IDE: variants seen among roughly 807,000 people sequenced by gnomAD.
The protein encoded by IDE is insulin degrading enzyme.
A neutral mutation model predicts 133.2 loss-of-function variants in IDE; 58 were observed. The ratio of observed to expected loss-of-function variants is 0.44; its 90% confidence interval spans 0.35 to 0.54. The LOEUF (loss-of-function observed/expected upper bound fraction) is 0.54, where lower values mean the gene tolerates loss of function less well. Ranked by LOEUF, IDE falls within the 20% of genes least tolerant of loss-of-function variation. The pLI is 0.00. For synonymous variants in IDE, 396 were observed against 421.3 expected (o/e 0.94, Z 0.73); for missense variants, 981 against 1,234.0 (o/e 0.79, Z 3.07).
chr10:92,493,608 A>G (rs1467197638), intron 11 of IDE, among the ~76,000 whole-genome samples: 1 of 152,086 alleles, frequency 6.6e-6, no homozygotes, highest in Non-Finnish European at 1.5e-5. Flanking sequence ...AAGGAGGGGA[A>G]AAAGGCAGAC....
At position 92,563,291 on chromosome 10, in the gene IDE, A is replaced by C. The variant is rs553456088; in HGVS notation, c.98+10631T>G. Among the ~76,000 whole-genome samples the C allele has an allele frequency of 1.4e-4, 21 of 151,886 alleles. No individual in the cohort carries two copies. In the South Asian group the frequency reaches 3.7e-3, roughly 27 times the overall value. On this transcript the variant is annotated intron_variant, in intron 1 of 24. Transcript: ENST00000265986. Reference sequence around the variant, plus strand: ...CATGGTGAAACCCCCATCTCTACTAAAAATACAAAAATTAGCTGGGTGTGT... The same window carrying C: ...CATGGTGAAACCCCCATCTCTACTACAAATACAAAAATTAGCTGGGTGTGT...
chr10:92,456,435 G>A lies in IDE; in HGVS notation c.2824-4C>T, dbSNP rs773274122. On this transcript the variant is annotated splice_polypyrimidine_tract_variant and splice_region_variant and intron_variant, in intron 22 of 24. Transcript: ENST00000265986. ...GAGCATCTACTGCCAACATTTCCTA[G>A]GCACAAAGAAGAGCAGGGTCACCCT... 9 of 1,610,702 alleles carry A rather than the reference G, an allele frequency of 5.6e-6. No homozygotes were observed. Among genetic ancestry groups the A allele is most frequent in the East Asian group, 2.2e-5 (1 of 44,864 alleles).
chr10:92,503,988 G>C (rs929178410), intron 11 of IDE, among the ~76,000 whole-genome samples: 3 of 151,518 alleles, frequency 2.0e-5, no homozygotes, highest in Non-Finnish European at 4.4e-5. Context: ...AAAGTGCTGG[G>C]ATTACAGGCA....
intron 4 of IDE, among the ~76,000 whole-genome samples, chr10:92,517,469 G>A (rs1350797848): frequency 6.6e-6 from 1 of 152,152 alleles, no homozygotes; most frequent in Non-Finnish European, 1.5e-5. Flanking sequence ...CTGCAGTGGT[G>A]TAATCACAGC....
Position 92,510,181 on chromosome 10 carries a change from G to A in IDE, c.785-19C>T. 1 of 1,281,628 alleles carries A rather than the reference G, an allele frequency of 7.8e-7. No individual in the cohort carries two copies. The highest frequency in any genetic ancestry group is 1.2e-5 in the South Asian group (1 of 81,028). The allele number at this position is 1,281,628 out of a possible 1,614,324, so 79.4% of individuals were successfully genotyped here. A position where few individuals can be genotyped will look rare whatever the true frequency, so the allele number is the denominator to read the frequency against. On this transcript the variant is annotated intron_variant, in intron 5 of 24. Coordinates refer to ENST00000265986, the MANE Select transcript of IDE (RefSeq NM_004969.4). The stretch of plus-strand genomic sequence containing the variant: ...AAAGATTCTACAAGAAAACAGACAA[G>A]GAAAACAGAACTTAAGCGAATCATA...
chr10:92,548,273 C>A (rs1256051922), intron 1 of IDE, among the ~76,000 whole-genome samples: 1 of 144,714 alleles, frequency 6.9e-6, no homozygotes, highest in South Asian at 2.2e-4. Flanking sequence ...GCAGGAGAAT[C>A]GCTTGAACCC....
At chr10:92,472,258 A>G (rs190843936) in intron 17 of IDE, among the ~76,000 whole-genome samples, 1 of 152,358 alleles carries the variant, frequency 6.6e-6, no homozygotes, top group East Asian at 1.9e-4. Flanking sequence ...CTTAAAATTA[A>G]CATGCCATCT....
chr10:92,466,914 G>A lies in IDE; in HGVS notation c.2321-1071C>T, dbSNP rs571402853. Among the ~76,000 whole-genome samples, 13 of 151,328 alleles carry A rather than the reference G, an allele frequency of 8.6e-5. No individual in the cohort carries two copies. The East Asian group carries it at 2.0e-3, about 23-fold the overall frequency. ...ATTACAGGTGTGAGCCACTGCACCCGGCTGCCTGGCCCTTTTCATATATAT... is the reference window on the plus strand; with the variant it reads ...ATTACAGGTGTGAGCCACTGCACCCAGCTGCCTGGCCCTTTTCATATATAT... On this transcript the variant is annotated intron_variant, in intron 19 of 24. Coordinates refer to ENST00000265986, the MANE Select transcript of IDE (RefSeq NM_004969.4).
intron 2 of IDE, among the ~76,000 whole-genome samples, chr10:92,535,469 G>A (rs149839988): frequency 1.6e-3 from 202 of 123,390 alleles, no homozygotes; most frequent in Admixed American, 2.7e-3. Flanking sequence ...AACAGCATGC[G>A]TTTGGGGGTT....
intron 6 of IDE, 110 bp downstream of exon 6, chr10:92,509,937 AAAC>A: frequency 7.0e-6 from 4 of 570,706 alleles, no homozygotes; most frequent in African/African-American, 1.9e-5. Context: ...AAAAAAAAAA[AAAC>A]ACAACATAAA....
At chr10:92,523,341 A>G (rs1849331838) in intron 4 of IDE, among the ~76,000 whole-genome samples, 1 of 151,876 alleles carries the variant, frequency 6.6e-6, no homozygotes, top group Non-Finnish European at 1.5e-5. Flanking sequence ...AGATCATGCG[A>G]CCGCACTCCA....
intron 4 of IDE, among the ~76,000 whole-genome samples, chr10:92,518,140 T>C (rs1366849440): frequency 2.6e-5 from 4 of 152,088 alleles, no homozygotes; most frequent in African/African-American, 9.7e-5. Flanking sequence ...TGAGTATTGA[T>C]GAAGCCTTTC....
At chr10:92,468,086 T>C (rs1190915272) in intron 19 of IDE, among the ~76,000 whole-genome samples, 1 of 152,092 alleles carries the variant, frequency 6.6e-6, no homozygotes, top group African/African-American at 2.4e-5. Flanking sequence ...GCTGGGAGTT[T>C]TAGAAAAAGT....
At chr10:92,460,585 C>G (rs1177718435) in intron 22 of IDE, among the ~76,000 whole-genome samples, 1 of 152,070 alleles carries the variant, frequency 6.6e-6, no homozygotes, top group East Asian at 1.9e-4. Context: ...ATAAAATACA[C>G]TAACAATAGC....
At chr10:92,469,837 A>AT in intron 18 of IDE, among the ~76,000 whole-genome samples, 1 of 152,114 alleles carries the variant, frequency 6.6e-6, no homozygotes, top group Non-Finnish European at 1.5e-5. Context: ...TGTAACTCTA[A>AT]TTTTACAGAA....
intron 1 of IDE, among the ~76,000 whole-genome samples, chr10:92,547,638 A>G (rs1174874349): frequency 2.0e-5 from 3 of 152,200 alleles, no homozygotes; most frequent in Admixed American, 6.5e-5. Context: ...TGAATTTTGA[A>G]TTTTTCAGAT....
At chr10:92,573,828 G>A (rs2135870598) in intron 1 of IDE, 94 bp downstream of exon 1, 1 of 857,616 alleles carries the variant, frequency 1.2e-6, no homozygotes, top group Non-Finnish European at 1.7e-6. Context: ...GGCAGCGGTG[G>A]CGGCTTTAAG....
Position 92,486,218 on chromosome 10 carries a change from C to T in IDE, c.1656+978G>A, listed in dbSNP as rs181584093. ...ACAAAAAATCAGCTGGATGTGGTGG[C>T]GGGTGCCTGTAATCCCAGCTACTTG... On this transcript the variant is annotated intron_variant, in intron 13 of 24. Transcript: ENST00000265986. 7.3e-3 allele frequency among the ~76,000 whole-genome samples: 1,111 copies of T among 151,930 alleles called. 8 individuals carry two copies. Among genetic ancestry groups the T allele is most frequent in the Admixed American group, 0.011 (165 of 15,246 alleles).
chr10:92,512,000 G>A (rs1848656958), intron 5 of IDE, among the ~76,000 whole-genome samples: 1 of 152,132 alleles, frequency 6.6e-6, no homozygotes, highest in African/African-American at 2.4e-5. Flanking sequence ...TAAAGGTAAG[G>A]GAGCTAAACA....
Sources: gnomAD v4.1 joint callset for allele counts (sites outside exome capture counted in the v4.1 genomes callset) on GRCh38, gnomAD v4.1.1 for gene constraint, MANE v1.5 for transcripts, NCBI Gene and HGNC (gene_info 2026-07-23, HGNC 2026-07-21) for gene names.